Variants in SCEL observed in about 807,000 individuals in gnomAD.
The protein encoded by SCEL is sciellin.
SCEL carries 113 observed loss-of-function variants against 117.6 expected under a neutral mutation model. That is an observed-to-expected ratio of 0.96 (90% CI 0.83 to 1.12). The LOEUF (loss-of-function observed/expected upper bound fraction) is 1.12, where lower values mean the gene tolerates loss of function less well. Ranked by LOEUF, SCEL falls within the 50% of genes most tolerant of loss-of-function variation. The pLI, the probability that SCEL is intolerant of heterozygous loss-of-function variation, is 0.00. For missense variants in SCEL, 785 were observed against 810.8 expected (o/e 0.97, Z 0.39); for synonymous variants, 270 against 256.2 (o/e 1.05, Z -0.51).
Position 77,568,289 on chromosome 13 carries a change from T to C in SCEL, c.360-6T>C. ...TTCAAACTTTGCTTTCTTTCTCTCTTACCAGGAGCATGTCCATGTTTAGAT... is the reference window on the plus strand; with the variant it reads ...TTCAAACTTTGCTTTCTTTCTCTCTCACCAGGAGCATGTCCATGTTTAGAT... On this transcript the variant is annotated splice_polypyrimidine_tract_variant and splice_region_variant and intron_variant, in intron 6 of 32. Coordinates refer to ENST00000349847, the MANE Select transcript of SCEL (RefSeq NM_144777.3). 6.4e-7 allele frequency: 1 copy of C among 1,555,914 alleles called. No individual in the cohort carries two copies. The highest frequency in any genetic ancestry group is 1.4e-5 in the African/African-American group (1 of 73,476).
intron 7 of SCEL, among the ~76,000 whole-genome samples, chr13:77,569,018 A>G: frequency 6.6e-6 from 1 of 152,238 alleles, no homozygotes; most frequent in South Asian, 2.1e-4. Context: ...AATGCTTCTA[A>G]TGCAAAAAAC....
intron 1 of SCEL, among the ~76,000 whole-genome samples, chr13:77,537,490 G>A (rs988290157): frequency 1.3e-5 from 2 of 152,194 alleles, no homozygotes; most frequent in African/African-American, 4.8e-5. Flanking sequence ...ATATTATAGT[G>A]TGTATGGTAT....
chr13:77,598,161 A>G (rs2087373765), intron 13 of SCEL, among the ~76,000 whole-genome samples: 1 of 152,078 alleles, frequency 6.6e-6, no homozygotes. Context: ...GGGTCTCACT[A>G]TGTTGCCCAG....
chr13:77,543,998 T>C (rs1229044241), intron 1 of SCEL, among the ~76,000 whole-genome samples: 1 of 152,126 alleles, frequency 6.6e-6, no homozygotes, highest in East Asian at 1.9e-4. Context: ...CATTTCCAAC[T>C]CCTGCCCTAT....
At chr13:77,583,189 G>A (rs2086364120) in intron 9 of SCEL, among the ~76,000 whole-genome samples, 1 of 152,148 alleles carries the variant, frequency 6.6e-6, no homozygotes. Context: ...TTCATGTAGT[G>A]GTTTACCTTC....
chr13:77,592,978 C>T (rs1186121560), intron 11 of SCEL, among the ~76,000 whole-genome samples: 1 of 152,092 alleles, frequency 6.6e-6, no homozygotes, highest in Admixed American at 6.6e-5. Flanking sequence ...GGTGCTTCCA[C>T]CTATTCTAGA....
rs1236951750 is a variant in SCEL at position 77,546,030 on chromosome 13, G to A, written c.-19-9827G>A. 2.6e-5 allele frequency among the ~76,000 whole-genome samples: 4 copies of A among 152,332 alleles called. No individual in the cohort carries two copies. In the East Asian group the frequency reaches 5.8e-4, roughly 22 times the overall value. ...ATCAATGGCCAGCACTGGACTACGA[G>A]AGAAAATGAAACGTTATCAAGCTAT... On this transcript the variant is annotated intron_variant, in intron 1 of 32. Coordinates refer to ENST00000349847, the MANE Select transcript of SCEL (RefSeq NM_144777.3).
At chr13:77,641,956 A>ATATT (rs2090577159) in intron 31 of SCEL, among the ~76,000 whole-genome samples, 1 of 152,208 alleles carries the variant, frequency 6.6e-6, no homozygotes, top group Non-Finnish European at 1.5e-5. Context: ...TTTATGAAAT[A>ATATT]TATTCAATTA....
At chr13:77,574,389 G>T (rs992329058) in intron 9 of SCEL, among the ~76,000 whole-genome samples, 1 of 152,276 alleles carries the variant, frequency 6.6e-6, no homozygotes, top group East Asian at 1.9e-4. Context: ...AGGGAAAGAG[G>T]AGATTATTAG....
At chr13:77,540,398 C>G (rs1329974722) in intron 1 of SCEL, among the ~76,000 whole-genome samples, 1 of 152,034 alleles carries the variant, frequency 6.6e-6, no homozygotes, top group Non-Finnish European at 1.5e-5. Flanking sequence ...ATTATTCAGC[C>G]ATACACACAG....
intron 4 of SCEL, among the ~76,000 whole-genome samples, chr13:77,563,210 C>T (rs1041469247): frequency 1.3e-5 from 2 of 151,628 alleles, no homozygotes; most frequent in African/African-American, 4.8e-5. Context: ...TTCTCTCTTC[C>T]TCTTTTCCTT....
At position 77,589,301 on chromosome 13, in the gene SCEL, G is replaced by T. The variant is rs2086736299; in HGVS notation, c.626+77G>T. On this transcript the variant is annotated intron_variant, in intron 10 of 32. Coordinates refer to ENST00000349847, the MANE Select transcript of SCEL (RefSeq NM_144777.3). The stretch of plus-strand genomic sequence containing the variant: ...GAAAGTAAATGGACTGTGACCCGCT[G>T]TGGGCAAAGCATGAATGTTTTGTGT... 5 of 1,069,940 alleles carry T rather than the reference G, an allele frequency of 4.7e-6. No individual in the cohort carries two copies. In the South Asian group the frequency reaches 6.8e-5, roughly 15 times the overall value. The allele number at this position is 1,069,940 out of a possible 1,614,324, so 66.3% of individuals were successfully genotyped here.
intron 9 of SCEL, among the ~76,000 whole-genome samples, chr13:77,576,100 CT>C (rs2085926173): frequency 6.6e-6 from 1 of 152,170 alleles, no homozygotes; most frequent in Non-Finnish European, 1.5e-5. Context: ...CCCTTCCTCT[CT>C]TTCCATCTCA....
At chr13:77,583,065 A>C (rs1220586207) in intron 9 of SCEL, among the ~76,000 whole-genome samples, 1 of 152,228 alleles carries the variant, frequency 6.6e-6, no homozygotes, top group Non-Finnish European at 1.5e-5. Context: ...AGCCAACTTA[A>C]ATTTAAATTT....
intron 1 of SCEL, among the ~76,000 whole-genome samples, chr13:77,536,857 AC>A (rs1351234216): frequency 3.9e-5 from 6 of 152,316 alleles, no homozygotes; most frequent in Non-Finnish European, 7.3e-5. Context: ...GGTTAGACAC[AC>A]CAGTGCTCAT....
intron 9 of SCEL, among the ~76,000 whole-genome samples, chr13:77,575,734 T>C (rs1237215326): frequency 6.6e-6 from 1 of 152,234 alleles, no homozygotes; most frequent in Non-Finnish European, 1.5e-5. Context: ...TAAGCTTGCT[T>C]CTTGGTCATT....
chr13:77,623,191 T>C (rs980612854), intron 27 of SCEL, among the ~76,000 whole-genome samples: 1 of 152,272 alleles, frequency 6.6e-6, no homozygotes, highest in Admixed American at 6.5e-5. Context: ...AATTTATTTT[T>C]ATCTCCTTTA....
rs1445413663 is a variant in SCEL at position 77,568,459 on chromosome 13, T to TTGGC, written c.398+126_398+127insTGGC. 9.1e-4 allele frequency: 530 copies of TTGGC among 582,944 alleles called. 4 individuals are homozygous for TTGGC. The highest frequency in any genetic ancestry group is 9.1e-3 in the African/African-American group (463 of 51,042). The allele number at this position is 582,944 out of a possible 1,614,324, so 36.1% of individuals were successfully genotyped here. A position where few individuals can be genotyped will look rare whatever the true frequency, so the allele number is the denominator to read the frequency against. On this transcript the variant is annotated intron_variant, in intron 7 of 32. Coordinates refer to ENST00000349847, the MANE Select transcript of SCEL (RefSeq NM_144777.3). Reference sequence around the variant, plus strand: ...CTATTGCTCTGGCAGAGTTGAGTAGTAGAAGACAATACCAAAATGGTCTGT... The same window carrying TTGGC: ...CTATTGCTCTGGCAGAGTTGAGTAGTTGGCAGAAGACAATACCAAAATGGTCTGT...
chr13:77,594,264 T>C (rs978550764), intron 12 of SCEL, among the ~76,000 whole-genome samples: 2 of 152,234 alleles, frequency 1.3e-5, no homozygotes, highest in African/African-American at 4.8e-5. Context: ...TTCAATGGCA[T>C]ATAACCTCAT....
Sources: gnomAD v4.1 joint callset for allele counts (sites outside exome capture counted in the v4.1 genomes callset) on GRCh38, gnomAD v4.1.1 for gene constraint, MANE v1.5 for transcripts, NCBI Gene and HGNC (gene_info 2026-07-23, HGNC 2026-07-21) for gene names.